The following MACROD2 variants were observed in gnomAD, a reference collection of about 807,000 sequenced individuals.
The protein encoded by MACROD2 is mono-ADP ribosylhydrolase 2, also known as ADP-ribose glycohydrolase MACROD2.
MACROD2 carries 36 observed loss-of-function variants against 70.4 expected under a neutral mutation model. That is an observed-to-expected ratio of 0.51 (90% CI 0.39 to 0.68). The LOEUF (loss-of-function observed/expected upper bound fraction) is 0.68. Among genes scored for constraint, MACROD2 ranks in the 30% least tolerant of loss-of-function variants. The probability of loss-of-function intolerance (pLI) is 0.00; values close to 1 mark genes in which losing one functional copy is unlikely to be tolerated. For missense variants in MACROD2, 496 were observed against 538.4 expected (o/e 0.92, Z 0.78); for synonymous variants, 172 against 178.8 (o/e 0.96, Z 0.30).
At chr20:15,571,391 G>A (rs1600607881) in intron 8 of MACROD2, among the ~76,000 whole-genome samples, 1 of 149,894 alleles carries the variant, frequency 6.7e-6, no homozygotes, top group Non-Finnish European at 1.5e-5. Flanking sequence ...AGATAGATGT[G>A]TTCCTCTTGA....
intron 5 of MACROD2, among the ~76,000 whole-genome samples, chr20:15,095,074 T>A (rs1241348962): frequency 1.6e-5 from 1 of 60,810 alleles, no homozygotes; most frequent in South Asian, 6.0e-4. Flanking sequence ...CTTTTTTTTT[T>A]TTTTTTTTTT....
intron 5 of MACROD2, among the ~76,000 whole-genome samples, chr20:14,933,590 A>C (rs1170976549): frequency 6.6e-6 from 1 of 151,918 alleles, no homozygotes; most frequent in South Asian, 2.1e-4. Context: ...TGATCATGCC[A>C]CTGCACTCCC....
In MACROD2 at chr20:14,718,630, A is replaced by T. The variant is rs968469155; in HGVS notation, c.418+33671A>T. On this transcript the variant is annotated intron_variant, in intron 5 of 17. Coordinates refer to ENST00000684519, the MANE Select transcript of MACROD2 (RefSeq NM_001351661.2). ...TTGAACACAGATCATGGTTGCCTGG[A>T]TGGGAAACCTGGTTTAAACATTTAA... Among the ~76,000 whole-genome samples, 4 of 152,146 alleles carry T rather than the reference A, an allele frequency of 2.6e-5. No homozygotes were observed. In the East Asian group the frequency reaches 7.7e-4, roughly 29 times the overall value.
intron 8 of MACROD2, among the ~76,000 whole-genome samples, chr20:15,546,006 G>A (rs1267835035): frequency 1.3e-5 from 2 of 152,188 alleles, no homozygotes; most frequent in Non-Finnish European, 2.9e-5. Flanking sequence ...TGTCATCCCA[G>A]CACTTTGGGA....
At chr20:14,472,569 T>A (rs2084542513) in intron 3 of MACROD2, among the ~76,000 whole-genome samples, 1 of 152,164 alleles carries the variant, frequency 6.6e-6, no homozygotes, top group African/African-American at 2.4e-5. Flanking sequence ...GTTCACAGTC[T>A]AATGGAGTTG....
intron 10 of MACROD2, among the ~76,000 whole-genome samples, chr20:15,919,719 T>C (rs1238384309): frequency 6.6e-6 from 1 of 151,792 alleles, no homozygotes; most frequent in Non-Finnish European, 1.5e-5. Context: ...AGGATGACAG[T>C]ACGAGACTCC....
intron 5 of MACROD2, among the ~76,000 whole-genome samples, chr20:15,053,879 G>A (rs924096056): frequency 7.9e-5 from 12 of 152,290 alleles, no homozygotes; most frequent in East Asian, 1.9e-4. Context: ...TATGGGAGGA[G>A]GACAAAATAT....
chr20:15,447,309 A>T (rs562475245), intron 7 of MACROD2, among the ~76,000 whole-genome samples: 3 of 152,302 alleles, frequency 2.0e-5, no homozygotes, highest in Non-Finnish European at 4.4e-5. Flanking sequence ...GAGCCTGGCT[A>T]GCAGAGGAGC....
At chr20:14,440,113 G>C (rs1169427019) in intron 3 of MACROD2, among the ~76,000 whole-genome samples, 1 of 152,108 alleles carries the variant, frequency 6.6e-6, no homozygotes, top group Non-Finnish European at 1.5e-5. Context: ...TAGTACATGG[G>C]CTTTAGCAGC....
intron 13 of MACROD2, among the ~76,000 whole-genome samples, chr20:15,982,519 G>A (rs11906834): frequency 0.04 from 6,135 of 152,138 alleles, 422 homozygotes; most frequent in African/African-American, 0.14. Context: ...CTTTTTCAGA[G>A]TCACTTTGCA....
intron 5 of MACROD2, among the ~76,000 whole-genome samples, chr20:15,041,870 C>T (rs988378755): frequency 6.6e-6 from 1 of 152,042 alleles, no homozygotes; most frequent in Non-Finnish European, 1.5e-5. Flanking sequence ...TTCAATAATG[C>T]AGAATGTTTG....
At chr20:14,566,258 G>A (rs2123306133) in intron 4 of MACROD2, among the ~76,000 whole-genome samples, 1 of 152,014 alleles carries the variant, frequency 6.6e-6, no homozygotes, top group East Asian at 1.9e-4. Flanking sequence ...GTCAATAAAC[G>A]TGAAAATATG....
intron 5 of MACROD2, among the ~76,000 whole-genome samples, chr20:14,759,179 A>T (rs776215748): frequency 3.3e-4 from 51 of 152,254 alleles, no homozygotes; most frequent in Non-Finnish European, 3.2e-4. Context: ...TTTATAAGGT[A>T]TTTTTGATAT....
In MACROD2 at chr20:14,525,647, C is replaced by T. The variant is rs146080033; in HGVS notation, c.301+32139C>T. On this transcript the variant is annotated intron_variant, in intron 4 of 17. Coordinates refer to ENST00000684519, the MANE Select transcript of MACROD2 (RefSeq NM_001351661.2). ...GGCCATATTTTACCATGTGTTACCA[C>T]GCTGGTGTGTCTATTTTAGGTTAGG... 2.4e-3 allele frequency among the ~76,000 whole-genome samples: 367 copies of T among 152,304 alleles called. 2 individuals are homozygous for T. Among genetic ancestry groups the T allele is most frequent in the Middle Eastern group, 3.4e-3 (1 of 294 alleles).
At chr20:15,638,357 G>A (rs921273044) in intron 8 of MACROD2, among the ~76,000 whole-genome samples, 2 of 152,134 alleles carry the variant, frequency 1.3e-5, no homozygotes, top group African/African-American at 2.4e-5. Flanking sequence ...TGTTTTTCTA[G>A]CAGGGTACAC....
intron 5 of MACROD2, among the ~76,000 whole-genome samples, chr20:15,081,594 G>A (rs2075704018): frequency 6.6e-6 from 1 of 152,100 alleles, no homozygotes. Context: ...AATGGAGAAG[G>A]ATTAACACTC....
intron 8 of MACROD2, among the ~76,000 whole-genome samples, chr20:15,572,671 TTAAAA>T (rs758142797): frequency 3.3e-5 from 5 of 152,148 alleles, no homozygotes. Context: ...TGCTTTTAGT[TTAAAA>T]TAAGTATTTC....
At chr20:15,452,110 C>T (rs1160411318) in intron 7 of MACROD2, among the ~76,000 whole-genome samples, 1 of 152,142 alleles carries the variant, frequency 6.6e-6, no homozygotes, top group Admixed American at 6.6e-5. Flanking sequence ...AAATCCAGCC[C>T]TTTCCATCCA....
At chr20:14,196,581 A>G (rs1299196838) in intron 3 of MACROD2, among the ~76,000 whole-genome samples, 2 of 152,240 alleles carry the variant, frequency 1.3e-5, no homozygotes, top group African/African-American at 4.8e-5. Flanking sequence ...ATTATAAGCA[A>G]TAGAAACCCA....
Sources: allele counts gnomAD v4.1 joint callset (sites outside exome capture counted in the v4.1 genomes callset), GRCh38; gene constraint gnomAD v4.1.1; transcripts MANE v1.5; gene names NCBI Gene and HGNC (gene_info 2026-07-23, HGNC 2026-07-21).